The following RASGRP3 variants were observed in gnomAD, a reference collection of about 807,000 sequenced individuals.
RASGRP3 encodes ras guanyl-releasing protein 3.
A neutral mutation model predicts 82.7 loss-of-function variants in RASGRP3; 54 were observed. That is an observed-to-expected ratio of 0.65 (90% CI 0.52 to 0.82). The LOEUF is 0.82. Ranked by LOEUF, RASGRP3 falls within the 40% of genes least tolerant of loss-of-function variation. The probability of loss-of-function intolerance (pLI) is 0.00; values close to 1 mark genes in which losing one functional copy is unlikely to be tolerated. For synonymous variants in RASGRP3, 309 were observed against 300.5 expected (o/e 1.03, Z -0.29); for missense variants, 861 against 828.9 (o/e 1.04, Z -0.48).
At chr2:33,556,876 C>T (rs867699389) in intron 15 of RASGRP3, among the ~76,000 whole-genome samples, 2 of 135,638 alleles carry the variant, frequency 1.5e-5, no homozygotes, top group South Asian at 5.1e-4. Context: ...GGTTTCTATC[C>T]TCATACCCTA....
rs954644358 is a variant in RASGRP3 at position 33,563,901 on chromosome 2, G to A, written c.*1164G>A. Reference sequence around the variant, plus strand: ...GTCTATTTCTTCCATGATTAGAGGAGAGAGAACTTGATTCAAGATACTGAA... The same window carrying A: ...GTCTATTTCTTCCATGATTAGAGGAAAGAGAACTTGATTCAAGATACTGAA... On this transcript the variant is annotated 3_prime_UTR_variant, in exon 18 of 18. Coordinates refer to ENST00000403687, the MANE Select transcript of RASGRP3 (RefSeq NM_001139488.2). 1.3e-5 allele frequency: 2 copies of A among 152,066 alleles called. No homozygotes were observed. The highest frequency in any genetic ancestry group is 6.6e-5 in the Admixed American group (1 of 15,238). 9.4% of individuals were successfully genotyped at this position (152,066 alleles called of 1,614,324 possible). A position where few individuals can be genotyped will look rare whatever the true frequency, so the allele number is the denominator to read the frequency against.
intron 1 of RASGRP3, among the ~76,000 whole-genome samples, chr2:33,493,975 G>A (rs17013146): frequency 0.017 from 2,644 of 152,152 alleles, 120 homozygotes; most frequent in East Asian, 0.12. Context: ...TTCAAAATCA[G>A]CCTACTGCCT....
chr2:33,539,026 C>T (rs1005562073), intron 11 of RASGRP3, 68 bp from the exon 12 acceptor site: 1 of 1,173,354 alleles, frequency 8.5e-7, no homozygotes, highest in African/African-American at 1.6e-5. Context: ...GCGACAGAAC[C>T]AGACCCTGTC....
At position 33,558,218 on chromosome 2, in the gene RASGRP3, A is replaced by G; in HGVS notation, c.1587A>G (p.Gly529=). Residue 529 remains glycine (G), a synonymous_variant, in exon 16 of 18, where the codon GGA becomes GGG. Coordinates refer to ENST00000403687, the MANE Select transcript of RASGRP3 (RefSeq NM_001139488.2). ...ACCCTTGGAATTTTTCAGACTGTGGAGCCAATTGTCACAAACAGTGCAAAG... is the reference window on the plus strand; with the variant it reads ...ACCCTTGGAATTTTTCAGACTGTGGGGCCAATTGTCACAAACAGTGCAAAG... ...IKQGYKCKDC[G]ANCHKQCKDL... 6.2e-7 allele frequency: 1 copy of G among 1,610,908 alleles called. No homozygotes were observed. The highest frequency in any genetic ancestry group is 8.5e-7 in the Non-Finnish European group (1 of 1,178,614).
chr2:33,472,526 A>G (rs902188970), upstream of RASGRP3, among the ~76,000 whole-genome samples: 1 of 152,186 alleles, frequency 6.6e-6, no homozygotes, highest in Non-Finnish European at 1.5e-5. Context: ...AGAGTGCAAG[A>G]TGAGAAGAGA....
In RASGRP3 at chr2:33,563,181, G is replaced by GT. The variant is rs567320911; in HGVS notation, c.*451dup. ...GTTAACAAGGAGTTTATTTAGAGGGGTTTTTTTCATTTTTTGTTTTTCTTG... is the reference window on the plus strand; with the variant it reads ...GTTAACAAGGAGTTTATTTAGAGGGGTTTTTTTTCATTTTTTGTTTTTCTTG... On this transcript the variant is annotated 3_prime_UTR_variant, in exon 18 of 18. Transcript: ENST00000403687. 1.6e-4 allele frequency: 25 copies of GT among 155,280 alleles called. No homozygotes were observed. The East Asian group carries it at 1.9e-3, about 12-fold the overall frequency. 9.6% of individuals were successfully genotyped at this position (155,280 alleles called of 1,614,324 possible). A position where few individuals can be genotyped will look rare whatever the true frequency, so the allele number is the denominator to read the frequency against.
At chr2:33,456,271 G>C (rs1666029432) in intron 2 of RASGRP3, among the ~76,000 whole-genome samples, 1 of 152,124 alleles carries the variant, frequency 6.6e-6, no homozygotes, top group Non-Finnish European at 1.5e-5. Flanking sequence ...TTTAATGATA[G>C]TCTTTACATT....
chr2:33,502,328 C>T (rs1372845686), intron 1 of RASGRP3, among the ~76,000 whole-genome samples: 1 of 151,874 alleles, frequency 6.6e-6, no homozygotes, highest in Non-Finnish European at 1.5e-5. Flanking sequence ...GTGTAGATAC[C>T]TTCACATGGT....
intron 11 of RASGRP3, 97 bp from the exon 12 acceptor site, chr2:33,538,996 AC>A: frequency 1.3e-6 from 1 of 798,326 alleles, no homozygotes; most frequent in South Asian, 1.8e-5. Context: ...CCGAAATTAC[AC>A]CACTGCACTC....
chr2:33,477,712 A>C (rs1447893160), intron 1 of RASGRP3, among the ~76,000 whole-genome samples: 1 of 152,192 alleles, frequency 6.6e-6, no homozygotes, highest in Admixed American at 6.5e-5. Context: ...CTTCAGAGGA[A>C]AGGCAAAAGG....
chr2:33,520,101 T>C (rs1044573640), intron 5 of RASGRP3, 87 bp downstream of exon 5: 3 of 1,112,202 alleles, frequency 2.7e-6, no homozygotes, highest in Non-Finnish European at 4.0e-6. Context: ...CAGACCTAGT[T>C]TGACAACAGA....
At position 33,562,751 on chromosome 2, in the gene RASGRP3, A is replaced by AAAC; in HGVS notation, c.*15_*17dup. 1 of 1,613,294 alleles carries AAAC rather than the reference A, an allele frequency of 6.2e-7. No homozygotes were observed. Among genetic ancestry groups the AAAC allele is most frequent in the African/African-American group, 1.3e-5 (1 of 75,054 alleles). ...CAGGATGGCTGACTTCAGGCTGCGG[A>AAAC]AACTGAAGGCAATAATGTTGGCTTT... On this transcript the variant is annotated 3_prime_UTR_variant, in exon 18 of 18. Transcript: ENST00000403687.
chr2:33,484,357 A>T (rs1240822633), intron 1 of RASGRP3, among the ~76,000 whole-genome samples: 1 of 152,258 alleles, frequency 6.6e-6, no homozygotes, highest in East Asian at 1.9e-4. Flanking sequence ...GTTTTAAATA[A>T]GAATTGGGTA....
At chr2:33,467,651 C>T (rs1241863655) in intron 2 of RASGRP3, among the ~76,000 whole-genome samples, 3 of 152,176 alleles carry the variant, frequency 2.0e-5, no homozygotes, top group Non-Finnish European at 2.9e-5. Flanking sequence ...CCCAACTTGA[C>T]GCAGCTTGTG....
chr2:33,539,383 T>A, intron 12 of RASGRP3, 173 bp downstream of exon 12: 2 of 564,344 alleles, frequency 3.5e-6, no homozygotes, highest in Non-Finnish European at 6.4e-6. Flanking sequence ...GGAGAGTCGA[T>A]CAGAAAGGCC....
intron 4 of RASGRP3, 72 bp from the exon 5 acceptor site, chr2:33,519,880 C>A: frequency 9.6e-7 from 1 of 1,038,102 alleles, no homozygotes; most frequent in Non-Finnish European, 1.5e-6. Flanking sequence ...AATTGGTATA[C>A]ATTGAGGGCA....
chr2:33,520,029 A>C lies in RASGRP3; in HGVS notation c.236+15A>C. 6.4e-7 allele frequency: 1 copy of C among 1,568,874 alleles called. No individual in the cohort carries two copies. On this transcript the variant is annotated intron_variant, in intron 5 of 17. Coordinates refer to ENST00000403687, the MANE Select transcript of RASGRP3 (RefSeq NM_001139488.2). ...TACTTCATGAGGTAAATATATTTAC[A>C]AATTTAATTTCTTGTAGTTTCTGGT...
chr2:33,467,002 T>C (rs1666735216), intron 2 of RASGRP3, among the ~76,000 whole-genome samples: 1 of 152,094 alleles, frequency 6.6e-6, no homozygotes, highest in African/African-American at 2.4e-5. Context: ...CCTTAGATCA[T>C]TACCATGAGG....
intron 2 of RASGRP3, among the ~76,000 whole-genome samples, chr2:33,459,893 A>G (rs1293662054): frequency 6.6e-6 from 1 of 152,154 alleles, no homozygotes; most frequent in Non-Finnish European, 1.5e-5. Flanking sequence ...TCTAAACTCC[A>G]TATTAGAATT....
Sources: gnomAD v4.1 joint callset for allele counts (sites outside exome capture counted in the v4.1 genomes callset) on GRCh38, gnomAD v4.1.1 for gene constraint, MANE v1.5 for transcripts, NCBI Gene and HGNC (gene_info 2026-07-23, HGNC 2026-07-21) for gene names.